Variants in LNX1 observed in about 807,000 individuals in gnomAD.
LNX1 encodes the protein E3 ubiquitin-protein ligase LNX.
A neutral mutation model predicts 68.4 loss-of-function variants in LNX1; 54 were observed. The observed-to-expected ratio is 0.79, with a 90% confidence interval of 0.63 to 0.99. The LOEUF is 0.99. LNX1 is among the 50% of genes least tolerant of loss of function. The pLI is 0.00. For missense variants in LNX1, 906 were observed against 926.4 expected (o/e 0.98, Z 0.29); for synonymous variants, 336 against 350.0 (o/e 0.96, Z 0.45).
chr4:53,626,856 A>G (rs1734093288), intron 1 of LNX1, among the ~76,000 whole-genome samples: 1 of 152,196 alleles, frequency 6.6e-6, no homozygotes, highest in Non-Finnish European at 1.5e-5. Flanking sequence ...AATAAAAACC[A>G]CACCATGCAC....
intron 2 of LNX1, among the ~76,000 whole-genome samples, chr4:53,511,791 C>A (rs908635931): frequency 2.6e-5 from 4 of 152,134 alleles, no homozygotes; most frequent in Admixed American, 2.0e-4. Context: ...GATTCACAGA[C>A]GTTCTGATAG....
At chr4:53,545,325 T>C (rs1019758352) in intron 2 of LNX1, among the ~76,000 whole-genome samples, 1 of 152,224 alleles carries the variant, frequency 6.6e-6, no homozygotes, top group African/African-American at 2.4e-5. Flanking sequence ...ATTACTTTTC[T>C]GTTTCAGAAT....
chr4:53,544,108 CT>C (rs749732147), intron 2 of LNX1, among the ~76,000 whole-genome samples: 14 of 152,166 alleles, frequency 9.2e-5, no homozygotes, highest in Non-Finnish European at 2.1e-4. Flanking sequence ...TGTCATTGGG[CT>C]TTTAAATTCT....
chr4:53,557,983 G>T (rs1417424753), intron 2 of LNX1: 1 of 1,613,308 alleles, frequency 6.2e-7, no homozygotes, highest in African/African-American at 1.3e-5. Context: ...GCAGTGTGCT[G>T]CCTTCTCCCT....
rs1721615172 is a variant in LNX1 at position 53,460,180 on chromosome 4, T to C, written c.*727A>G. 2 of 197,430 alleles carry C rather than the reference T, an allele frequency of 1.0e-5. No individual in the cohort carries two copies. The highest frequency in any genetic ancestry group is 7.9e-5 in the East Asian group (1 of 12,660). 12.2% of individuals were successfully genotyped at this position (197,430 alleles called of 1,614,324 possible). On this transcript the variant is annotated 3_prime_UTR_variant, in exon 11 of 11. Transcript: ENST00000263925. Reference sequence around the variant, plus strand: ...CCAGGGTCAAGCTGGTTTGGCCTTCTTGATGCATTTTCCAAGGCCCACTGG... The same window carrying C: ...CCAGGGTCAAGCTGGTTTGGCCTTCCTGATGCATTTTCCAAGGCCCACTGG...
rs191461109 is a variant in LNX1 at position 53,526,926 on chromosome 4, C to A, written c.381-18699G>T. 3.5e-4 allele frequency among the ~76,000 whole-genome samples: 53 copies of A among 151,916 alleles called. No individual in the cohort carries two copies. In the East Asian group the frequency reaches 8.9e-3, roughly 26 times the overall value. On this transcript the variant is annotated intron_variant, in intron 2 of 10. Transcript: ENST00000263925. ...TTATAAAATTATAGAGCTAATTCTT[C>A]TTTGTAAGAGACACAATCATTATGC...
upstream of LNX1, chr4:53,617,569 G>A (rs889404816): frequency 1.3e-5 from 2 of 152,170 alleles, no homozygotes; most frequent in African/African-American, 2.4e-5. Context: ...CCACATACAT[G>A]AATCTATAGG....
intron 2 of LNX1, among the ~76,000 whole-genome samples, chr4:53,572,991 G>A (rs999180319): frequency 6.6e-6 from 1 of 152,110 alleles, no homozygotes; most frequent in Non-Finnish European, 1.5e-5. Context: ...GGTCAAACTG[G>A]GGCACCTTTT....
chr4:53,556,210 T>A (rs1272147933), intron 2 of LNX1, among the ~76,000 whole-genome samples: 1 of 152,060 alleles, frequency 6.6e-6, no homozygotes, highest in Non-Finnish European at 1.5e-5. Flanking sequence ...GAGAAGGACA[T>A]GTACAGACAG....
intron 9 of LNX1, among the ~76,000 whole-genome samples, chr4:53,467,432 G>A (rs185641219): frequency 7.9e-5 from 12 of 152,266 alleles, no homozygotes; most frequent in East Asian, 3.9e-4. Context: ...AAATCAGAGC[G>A]CCTCTCCTCC....
chr4:53,651,764 G>A (rs1735108340), intron 1 of LNX1, among the ~76,000 whole-genome samples: 1 of 152,204 alleles, frequency 6.6e-6, no homozygotes, highest in African/African-American at 2.4e-5. Flanking sequence ...CAAAGTCTGT[G>A]TGTGAATGTG....
At chr4:53,615,841 G>A (rs931879992) in intron 2 of LNX1, among the ~76,000 whole-genome samples, 7 of 152,182 alleles carry the variant, frequency 4.6e-5, no homozygotes, top group East Asian at 1.9e-4. Flanking sequence ...CATGCAATGC[G>A]TAATAATCTT....
chr4:53,551,138 TG>T (rs34638149), intron 2 of LNX1, among the ~76,000 whole-genome samples: 27,207 of 152,066 alleles, frequency 0.18, 2,649 homozygotes, highest in East Asian at 0.37. Flanking sequence ...CTCTGACTCC[TG>T]GGGCCTACCA....
At chr4:53,546,810 T>C (rs1438540117) in intron 2 of LNX1, among the ~76,000 whole-genome samples, 2 of 152,094 alleles carry the variant, frequency 1.3e-5, no homozygotes, top group Admixed American at 6.5e-5. Context: ...AGCTGAGGAA[T>C]GAAGGCTGGG....
At chr4:53,483,930 A>G (rs1462554069) in intron 6 of LNX1, among the ~76,000 whole-genome samples, 1 of 152,200 alleles carries the variant, frequency 6.6e-6, no homozygotes, top group East Asian at 1.9e-4. Flanking sequence ...CTAACCCACA[A>G]CACGGCAGCA....
In LNX1 at chr4:53,485,233, T is replaced by C. The variant is rs115223877; in HGVS notation, c.1351-3379A>G. 8.3e-3 allele frequency among the ~76,000 whole-genome samples: 1,267 copies of C among 152,322 alleles called. 18 individuals are homozygous for C. The highest frequency in any genetic ancestry group is 0.029 in the African/African-American group (1,196 of 41,562). ...TGAACATTCAGGTCAAAACCCCAATTACTGAGCTCGAATTTGCTCTCTTTG... is the reference window on the plus strand; with the variant it reads ...TGAACATTCAGGTCAAAACCCCAATCACTGAGCTCGAATTTGCTCTCTTTG... On this transcript the variant is annotated intron_variant, in intron 6 of 10. Transcript: ENST00000263925.
chr4:53,465,568 C>T (rs1722616765), intron 9 of LNX1, among the ~76,000 whole-genome samples: 1 of 152,202 alleles, frequency 6.6e-6, no homozygotes, highest in African/African-American at 2.4e-5. Context: ...GCAACTGCAC[C>T]AGCATAACAT....
intron 6 of LNX1, among the ~76,000 whole-genome samples, chr4:53,492,787 G>A (rs537437694): frequency 1.2e-4 from 19 of 152,170 alleles, no homozygotes; most frequent in African/African-American, 3.6e-4. Context: ...GGGAGAGCAC[G>A]TTGGGCAAGG....
intron 1 of LNX1, chr4:53,575,780 GT>G (rs1731446059): frequency 8.9e-6 from 14 of 1,570,864 alleles, no homozygotes; most frequent in Non-Finnish European, 1.2e-5. Context: ...GGCCGAGTGA[GT>G]TTCTTGGGGG....
Sources: gnomAD v4.1 joint callset for allele counts (sites outside exome capture counted in the v4.1 genomes callset) on GRCh38, gnomAD v4.1.1 for gene constraint, MANE v1.5 for transcripts, NCBI Gene and HGNC (gene_info 2026-07-23, HGNC 2026-07-21) for gene names.